The following KIAA1328 variants were observed in gnomAD, a reference collection of about 807,000 sequenced individuals.
The protein encoded by KIAA1328 is protein hinderin.
In KIAA1328, 52 loss-of-function variants were observed where a neutral mutation model predicts 68.1. The ratio of observed to expected loss-of-function variants is 0.76; its 90% CI spans 0.61 to 0.96. KIAA1328 has a LOEUF of 0.96. Ranked by LOEUF, KIAA1328 falls within the 40% of genes least tolerant of loss-of-function variation. KIAA1328 has a pLI of 0.00. For missense variants in KIAA1328, 641 were observed against 677.6 expected (o/e 0.95, Z 0.60); for synonymous variants, 232 against 239.4 (o/e 0.97, Z 0.28).
intron 7 of KIAA1328, among the ~76,000 whole-genome samples, chr18:37,071,011 A>G (rs1343068329): frequency 9.8e-6 from 1 of 102,180 alleles, no homozygotes; most frequent in Admixed American, 9.6e-5. Flanking sequence ...TTTAATTGGT[A>G]TGTTATGTTC....
intron 6 of KIAA1328, among the ~76,000 whole-genome samples, chr18:36,992,275 T>G (rs764721644): frequency 1.6e-4 from 25 of 152,274 alleles, no homozygotes; most frequent in Non-Finnish European, 2.4e-4. Flanking sequence ...TGAATTTACC[T>G]ATCTTTTATG....
At chr18:36,832,541 C>T (rs965718426) in intron 1 of KIAA1328, 1 of 131,540 alleles carries the variant, frequency 7.6e-6, no homozygotes, top group African/African-American at 2.8e-5. Context: ...GAGCTGAGAT[C>T]AAACCGCTGC....
intron 4 of KIAA1328, among the ~76,000 whole-genome samples, chr18:36,849,846 G>A (rs575687734): frequency 2.6e-5 from 4 of 152,146 alleles, no homozygotes; most frequent in Admixed American, 2.0e-4. Flanking sequence ...AAGGATTCTA[G>A]TTTCTCCACA....
At chr18:37,164,584 A>G (rs1272347096) in intron 8 of KIAA1328, among the ~76,000 whole-genome samples, 1 of 152,066 alleles carries the variant, frequency 6.6e-6, no homozygotes, top group Non-Finnish European at 1.5e-5. Flanking sequence ...GTCTCTACTA[A>G]AAATAGAAAG....
rs1433116125 is a variant in KIAA1328, at chr18:37,160,255, A to C, written c.1288A>C (p.Lys430Gln). Residue 430 changes from lysine (K) to glutamine (Q), a missense_variant, in exon 8 of 10, where the codon AAG becomes CAG. Physicochemically the swap from Lys to Gln is moderately conservative, Grantham distance 53. Coordinates refer to ENST00000280020, the MANE Select transcript of KIAA1328 (RefSeq NM_020776.3). ...WLLGTSSSIK[K>Q]HQDPPNSGEN... The stretch of plus-strand genomic sequence containing the variant: ...GCTTGGAACATCATCATCTATTAAA[A>C]AGCACCAAGACCCCCCAAACAGTGG... The C allele has an allele frequency of 6.2e-7, 1 of 1,613,624 alleles. No individual in the cohort carries two copies. The highest frequency in any genetic ancestry group is 1.7e-5 in the Admixed American group (1 of 59,978).
At chr18:37,096,870 T>G (rs2057425628) in intron 7 of KIAA1328, among the ~76,000 whole-genome samples, 1 of 152,354 alleles carries the variant, frequency 6.6e-6, no homozygotes, top group South Asian at 2.1e-4. Context: ...CATAAATGTC[T>G]TCTTTTGAGA....
chr18:37,192,145 T>TTGTG (rs10667132), intron 9 of KIAA1328, among the ~76,000 whole-genome samples: 10,278 of 144,596 alleles, frequency 0.071, 589 homozygotes, highest in African/African-American at 0.17. Flanking sequence ...AGTCAAGAAA[T>TTGTG]TGTGTGTGTG....
At chr18:37,182,736 T>A (rs1285270449) in intron 9 of KIAA1328, among the ~76,000 whole-genome samples, 1 of 152,198 alleles carries the variant, frequency 6.6e-6, no homozygotes, top group African/African-American at 2.4e-5. Flanking sequence ...ATATGCCTGT[T>A]ACTTTACCTC....
At chr18:36,901,597 C>T (rs1421862606) in intron 5 of KIAA1328, among the ~76,000 whole-genome samples, 1 of 151,922 alleles carries the variant, frequency 6.6e-6, no homozygotes, top group Non-Finnish European at 1.5e-5. Context: ...CTTTGTGGAC[C>T]TTTTCCTTTC....
At chr18:37,221,672 T>C (rs928362324) in intron 9 of KIAA1328, among the ~76,000 whole-genome samples, 1 of 152,210 alleles carries the variant, frequency 6.6e-6, no homozygotes, top group Non-Finnish European at 1.5e-5. Context: ...GGTTAAATAT[T>C]TGTAGTGTTA....
intron 7 of KIAA1328, among the ~76,000 whole-genome samples, chr18:37,096,693 G>A (rs1272959043): frequency 6.6e-6 from 1 of 152,216 alleles, no homozygotes; most frequent in Non-Finnish European, 1.5e-5. Context: ...CCCACCAACA[G>A]TGTAAAAGTG....
At chr18:37,133,152 G>A (rs1372440486) in intron 7 of KIAA1328, among the ~76,000 whole-genome samples, 1 of 152,090 alleles carries the variant, frequency 6.6e-6, no homozygotes, top group African/African-American at 2.4e-5. Context: ...GGCCAACATG[G>A]TGAAACACCA....
chr18:36,933,684 T>G (rs997386006), intron 5 of KIAA1328, among the ~76,000 whole-genome samples: 1 of 152,212 alleles, frequency 6.6e-6, no homozygotes, highest in South Asian at 2.1e-4. Context: ...TTCTAGGGGA[T>G]CCAGGGTGCT....
chr18:36,984,051 A>G (rs754892742), intron 6 of KIAA1328, among the ~76,000 whole-genome samples: 1 of 152,178 alleles, frequency 6.6e-6, no homozygotes, highest in Non-Finnish European at 1.5e-5. Context: ...GAAGTCTAAC[A>G]TATATTAGTG....
chr18:37,007,670 A>G (rs1314305560), intron 6 of KIAA1328, among the ~76,000 whole-genome samples: 4 of 152,230 alleles, frequency 2.6e-5, no homozygotes, highest in Non-Finnish European at 5.9e-5. Flanking sequence ...CTAAAAAGTA[A>G]GAATAGCAAT....
At chr18:36,989,962 G>A (rs571089162) in intron 6 of KIAA1328, among the ~76,000 whole-genome samples, 37 of 152,206 alleles carry the variant, frequency 2.4e-4, no homozygotes, top group African/African-American at 8.7e-4. Context: ...CAAAGTGCTG[G>A]GAGTACAGGT....
At chr18:37,191,095 C>G (rs1005316875) in intron 9 of KIAA1328, among the ~76,000 whole-genome samples, 9 of 152,182 alleles carry the variant, frequency 5.9e-5, no homozygotes, top group Non-Finnish European at 1.0e-4. Context: ...ATATCTCTAC[C>G]TATGTGGCTA....
At chr18:36,893,382 C>G (rs1384645339) in intron 5 of KIAA1328, among the ~76,000 whole-genome samples, 2 of 151,862 alleles carry the variant, frequency 1.3e-5, no homozygotes, top group East Asian at 1.9e-4. Flanking sequence ...GTCCTCCCAT[C>G]TCAGCCACCG....
chr18:37,028,843 A>T lies in KIAA1328; in HGVS notation c.577-38047A>T, dbSNP rs148335797. Among the ~76,000 whole-genome samples, 1,294 of 152,214 alleles carry T rather than the reference A, an allele frequency of 8.5e-3. 11 individuals are homozygous for T. The highest frequency in any genetic ancestry group is 0.012 in the Non-Finnish European group (842 of 68,016). ...GTATGTATTAAGTTGCATATGTTGA[A>T]CCAACCTTGTATTTCAGTAATAAAG... is the stretch of plus-strand genomic sequence containing the variant. On this transcript the variant is annotated intron_variant, in intron 6 of 9. Coordinates refer to ENST00000280020, the MANE Select transcript of KIAA1328 (RefSeq NM_020776.3).
Sources: gnomAD v4.1 joint callset for allele counts (sites outside exome capture counted in the v4.1 genomes callset) on GRCh38, gnomAD v4.1.1 for gene constraint, MANE v1.5 for transcripts, NCBI Gene and HGNC (gene_info 2026-07-23, HGNC 2026-07-21) for gene names.